Variants in PHF21A observed in about 807,000 individuals in gnomAD.
PHF21A encodes PHD finger protein 21A.
A neutral mutation model predicts 82.5 loss-of-function variants in PHF21A; 11 were observed. The observed-to-expected ratio is 0.13, with a 90% CI of 0.08 to 0.22. The LOEUF (loss-of-function observed/expected upper bound fraction) is 0.22. Among genes scored for constraint, PHF21A ranks in the 10% least tolerant of loss-of-function variants. The pLI, the probability that PHF21A is intolerant of heterozygous loss-of-function variation, is 1.00. For missense variants in PHF21A, 579 were observed against 837.8 expected, an observed-to-expected ratio of 0.69 and a Z score of 3.81; for synonymous variants, 297 against 302.8, an observed-to-expected ratio of 0.98 and a Z score of 0.20.
chr11:45,942,281 G>GGAAC (rs2090503140), intron 15 of PHF21A, among the ~76,000 whole-genome samples: 1 of 152,124 alleles, frequency 6.6e-6, no homozygotes, highest in Non-Finnish European at 1.5e-5. Flanking sequence ...TGGATCCTTT[G>GGAAC]GGTTCAATCT....
intron 2 of PHF21A, 45 bp downstream of exon 2, chr11:46,092,138 G>GCA (rs2096932888): frequency 6.6e-6 from 1 of 151,414 alleles, no homozygotes; most frequent in African/African-American, 2.4e-5. Context: ...TATCCAGCTA[G>GCA]CATCAGGATC....
chr11:46,120,292 C>T (rs1246218860), intron 1 of PHF21A: 2 of 150,460 alleles, frequency 1.3e-5, no homozygotes, highest in African/African-American at 4.9e-5. Flanking sequence ...TTCCCCCCGA[C>T]AGCATCCCGG....
intron 6 of PHF21A, among the ~76,000 whole-genome samples, chr11:46,030,224 G>C (rs1325356364): frequency 6.6e-6 from 1 of 152,220 alleles, no homozygotes; most frequent in East Asian, 1.9e-4. Context: ...CAGAGAATAA[G>C]ACCAAGGTAC....
chr11:46,004,168 A>T (rs571555818), intron 6 of PHF21A, among the ~76,000 whole-genome samples: 35 of 152,282 alleles, frequency 2.3e-4, no homozygotes, highest in Non-Finnish European at 3.8e-4. Flanking sequence ...AAAATGTTTA[A>T]ATTTATTTTC....
At chr11:45,980,060 T>C in intron 6 of PHF21A, 94 bp from the exon 7 acceptor site, 3 of 1,557,848 alleles carry the variant, frequency 1.9e-6, no homozygotes, top group Non-Finnish European at 2.6e-6. Context: ...TATAAATAGC[T>C]TCATCTAAAA....
intron 6 of PHF21A, among the ~76,000 whole-genome samples, chr11:46,028,372 A>G (rs1311079752): frequency 6.6e-6 from 1 of 152,076 alleles, no homozygotes; most frequent in Admixed American, 6.6e-5. Context: ...CTTACAGGCA[A>G]TTCTCACTTT....
At chr11:46,045,778 T>C (rs995184119) in intron 6 of PHF21A, among the ~76,000 whole-genome samples, 15 of 152,172 alleles carry the variant, frequency 9.9e-5, no homozygotes, top group African/African-American at 3.6e-4. Flanking sequence ...TGTGAGTTTC[T>C]TAACCCCTTT....
chr11:46,058,056 T>C (rs2096484846), intron 6 of PHF21A, among the ~76,000 whole-genome samples: 1 of 152,192 alleles, frequency 6.6e-6, no homozygotes, highest in Admixed American at 6.5e-5. Flanking sequence ...CCCTAACATC[T>C]CAACTTTTAA....
intron 1 of PHF21A, among the ~76,000 whole-genome samples, chr11:46,099,481 G>A (rs1160873543): frequency 1.3e-5 from 2 of 150,118 alleles, no homozygotes; most frequent in Admixed American, 6.7e-5. Context: ...TACTCACTAG[G>A]CTGGAAAATG....
chr11:45,981,940 CTTTT>C (rs754937092), intron 6 of PHF21A, among the ~76,000 whole-genome samples: 6 of 78,272 alleles, frequency 7.7e-5, no homozygotes, highest in Non-Finnish European at 1.4e-4. Context: ...TTTTGTTTTT[CTTTT>C]TTTTTTTTTT....
chr11:46,073,672 C>T (rs964424058), intron 6 of PHF21A, among the ~76,000 whole-genome samples: 1 of 152,150 alleles, frequency 6.6e-6, no homozygotes, highest in African/African-American at 2.4e-5. Flanking sequence ...GACTGTAATG[C>T]ACATAAAGTT....
intron 6 of PHF21A, among the ~76,000 whole-genome samples, chr11:46,069,092 A>G (rs1057247422): frequency 2.6e-5 from 4 of 152,216 alleles, no homozygotes; most frequent in Admixed American, 6.5e-5. Flanking sequence ...CCACAGTCAC[A>G]CTACATATAT....
intron 6 of PHF21A, among the ~76,000 whole-genome samples, chr11:45,987,344 C>T (rs934169429): frequency 1.3e-5 from 2 of 151,870 alleles, no homozygotes; most frequent in African/African-American, 2.4e-5. Context: ...ATAATCTGCA[C>T]AATTTAGCTG....
In PHF21A at chr11:45,971,223, G is replaced by A. The variant is rs751930327; in HGVS notation, c.505C>T (p.Leu169Phe). 3 of 1,614,170 alleles carry A rather than the reference G, an allele frequency of 1.9e-6. No homozygotes were observed. Among genetic ancestry groups the A allele is most frequent in the Admixed American group, 3.3e-5 (2 of 60,016 alleles). ...VTAINSQKAV[L>F]STDVQNTPVN... ...GGTGTGTTCTGCACATCAGTGCTGA[G>A]CACAGCCTTCTGACTGTTGATGGCG... The change falls in exon 8 of 19, where the codon CTC (leucine) becomes TTC (phenylalanine). Residue 169 changes from leucine to phenylalanine, a missense_variant. Physicochemically the swap from Leu to Phe is conservative, Grantham distance 22 (BLOSUM62 0). This residue lies in a region of PHF21A where 410 missense variants were observed against 642.1 expected (regional missense o/e 0.64). Transcript: ENST00000676320.
chr11:46,114,750 A>T (rs2097266920), intron 1 of PHF21A, among the ~76,000 whole-genome samples: 1 of 152,240 alleles, frequency 6.6e-6, no homozygotes, highest in Admixed American at 6.5e-5. Context: ...ATTTGTAAGT[A>T]TGTCGCTTTG....
intron 6 of PHF21A, among the ~76,000 whole-genome samples, chr11:46,010,350 T>C (rs1036240024): frequency 1.3e-5 from 2 of 152,216 alleles, no homozygotes; most frequent in African/African-American, 4.8e-5. Flanking sequence ...CTTAAATACA[T>C]TATGTTACTT....
rs562927195 is a variant in PHF21A, at chr11:46,079,415, C to A, written c.55-249G>T. On this transcript the variant is annotated intron_variant, in intron 4 of 18. Coordinates refer to ENST00000676320, the MANE Select transcript of PHF21A (RefSeq NM_001352027.3). ...CCTGATTTTTAAATCTGGACAGAGA[C>A]GGGTGACAGTGGCTTCCGAAAGGAA... 2.1e-3 allele frequency among the ~76,000 whole-genome samples: 189 copies of A among 92,112 alleles called. 4 individuals carry two copies. The highest frequency in any genetic ancestry group is 1.2e-3 in the Non-Finnish European group (41 of 34,264). The allele number at this position is 92,112 out of a possible 152,430, so 60.4% of individuals were successfully genotyped here. A position where few individuals can be genotyped will look rare whatever the true frequency, so the allele number is the denominator to read the frequency against.
chr11:46,020,639 G>C (rs1256200574), intron 6 of PHF21A, among the ~76,000 whole-genome samples: 1 of 152,134 alleles, frequency 6.6e-6, no homozygotes, highest in African/African-American at 2.4e-5. Flanking sequence ...TCTCAAATAT[G>C]AACATGACCC....
chr11:46,108,215 C>G (rs1443310986), intron 1 of PHF21A, among the ~76,000 whole-genome samples: 1 of 152,066 alleles, frequency 6.6e-6, no homozygotes, highest in Non-Finnish European at 1.5e-5. Context: ...CACAATTGCT[C>G]TCTTTATAAG....
Sources: allele counts gnomAD v4.1 joint callset (sites outside exome capture counted in the v4.1 genomes callset), GRCh38; gene constraint gnomAD v4.1.1; regional missense constraint gnomAD v4.1.1; transcripts MANE v1.5; gene names NCBI Gene and HGNC (gene_info 2026-07-23, HGNC 2026-07-21).